RBM4B: variants seen among roughly 807,000 people sequenced by gnomAD.
RBM4B encodes RNA binding motif protein 4B.
RBM4B carries 13 observed loss-of-function variants against 28.5 expected under a neutral mutation model. The observed-to-expected ratio is 0.46, with a 90% CI of 0.30 to 0.72. The LOEUF (loss-of-function observed/expected upper bound fraction) is 0.72. RBM4B is among the 30% of genes least tolerant of loss of function. The pLI is 0.09. For missense variants in RBM4B, 387 were observed against 477.6 expected (o/e 0.81, Z 1.77); for synonymous variants, 167 against 179.1 (o/e 0.93, Z 0.54).
chr11:66,676,674 A>T lies in RBM4B; in HGVS notation c.406T>A (p.Phe136Ile), dbSNP rs1590889268. ...CAGGCCCAGAGCAGTTCACCTTGAA[A>T]CTCTGTGTTGTCAAGGCCCCTGATG... ...EAIRGLDNTE[F>I]QGKRMHVQLS... Residue 136 changes from phenylalanine (F) to isoleucine (I), a missense_variant, in exon 2 of 4, where the codon TTT becomes ATT. Coordinates refer to ENST00000310046, the MANE Select transcript of RBM4B (RefSeq NM_031492.4). 1 of 1,612,802 alleles carries T rather than the reference A, an allele frequency of 6.2e-7. No homozygotes were observed. Among genetic ancestry groups the T allele is most frequent in the Non-Finnish European group, 8.5e-7 (1 of 1,179,568 alleles).
chr11:66,669,042 T>G lies in RBM4B; in HGVS notation c.662A>C (p.Tyr221Ser). Residue 221 changes from tyrosine (Y) to serine (S), a missense_variant, in exon 3 of 4, where the codon TAT becomes TCT. Coordinates refer to ENST00000310046, the MANE Select transcript of RBM4B (RefSeq NM_031492.4). ...ATAAGAGCGGACCCGGTATCGCTTA[T>G]AGTAGTCGAGTGCTCCATATGCATC... ...YNDAYGALDY[Y>S]KRYRVRSYEA... The G allele has an allele frequency of 6.2e-7, 1 of 1,614,196 alleles. No homozygotes were observed. The highest frequency in any genetic ancestry group is 8.5e-7 in the Non-Finnish European group (1 of 1,180,032).
At chr11:66,668,534 G>A in intron 3 of RBM4B, 81 bp downstream of exon 3, 1 of 1,150,670 alleles carries the variant, frequency 8.7e-7, no homozygotes, top group African/African-American at 1.5e-5. Flanking sequence ...AGCACAGGTG[G>A]CTCTAGCCAC....
chr11:66,665,629 T>A, intron 3 of RBM4B, 51 bp from the exon 4 acceptor site: 1 of 1,535,484 alleles, frequency 6.5e-7, no homozygotes, highest in South Asian at 1.2e-5. Context: ...GAGAGCAGCC[T>A]GGCTCCGCGT....
Position 66,676,742 on chromosome 11 carries a change from T to C in RBM4B, c.338A>G (p.Tyr113Cys). ...TGCCCGCTCCATGTGTACGAAGGCATAATCTTTCACGATGTCACATTCGAT... is the reference window on the plus strand; with the variant it reads ...TGCCCGCTCCATGTGTACGAAGGCACAATCTTTCACGATGTCACATTCGAT... ...PVIECDIVKD[Y>C]AFVHMERAED... Residue 113 changes from tyrosine to cysteine, a missense_variant, in exon 2 of 4, where the codon TAT (tyrosine) becomes TGT (cysteine). Transcript: ENST00000310046. 3.1e-6 allele frequency: 5 copies of C among 1,614,166 alleles called. No individual in the cohort carries two copies. Among genetic ancestry groups the C allele is most frequent in the South Asian group, 1.1e-5 (1 of 91,082 alleles).
rs1431540016 is a variant in RBM4B at position 66,665,370 on chromosome 11, A to AT, written c.*217dup. 3.3e-6 allele frequency: 2 copies of AT among 599,756 alleles called. No individual in the cohort carries two copies. Among genetic ancestry groups the AT allele is most frequent in the Non-Finnish European group, 5.9e-6 (2 of 338,888 alleles). The allele number at this position is 599,756 out of a possible 1,614,324, so 37.2% of individuals were successfully genotyped here. On this transcript the variant is annotated 3_prime_UTR_variant, in exon 4 of 4. Coordinates refer to ENST00000310046, the MANE Select transcript of RBM4B (RefSeq NM_031492.4). ...CTAGGGCTGCTCAGAGGCTGAGAAT[A>AT]TAAGGAACAGAGTGAAAGGCTACAG...
At chr11:66,669,938 T>G (rs139164316) in intron 2 of RBM4B, among the ~76,000 whole-genome samples, 38 of 152,356 alleles carry the variant, frequency 2.5e-4, no homozygotes, top group Admixed American at 1.2e-3. Flanking sequence ...TTGTAATGAT[T>G]CAAATTCTGC....
At chr11:66,675,338 A>G (rs1464934913) in intron 2 of RBM4B, among the ~76,000 whole-genome samples, 1 of 152,242 alleles carries the variant, frequency 6.6e-6, no homozygotes, top group African/African-American at 2.4e-5. Context: ...TAGTGAGGAA[A>G]ATGAAGCAGA....
At chr11:66,665,926 C>T (rs766605093) in intron 3 of RBM4B, 45 of 1,535,404 alleles carry the variant, frequency 2.9e-5, no homozygotes, top group Non-Finnish European at 3.9e-5. Flanking sequence ...TCAAGAACTG[C>T]AATTTAATTT....
intron 2 of RBM4B, chr11:66,670,840 T>G: frequency 1.5e-6 from 1 of 684,188 alleles, no homozygotes; most frequent in Non-Finnish European, 2.6e-6. Context: ...ACGCAGTCAG[T>G]ACAGATAAAA....
intron 2 of RBM4B, among the ~76,000 whole-genome samples, chr11:66,669,603 T>C (rs1565093755): frequency 6.6e-6 from 1 of 152,160 alleles, no homozygotes. Flanking sequence ...TGCGCTGCCA[T>C]GCCTGGCTAA....
intron 2 of RBM4B, among the ~76,000 whole-genome samples, chr11:66,670,295 T>C (rs1939420418): frequency 2.2e-5 from 3 of 134,940 alleles, no homozygotes; most frequent in Non-Finnish European, 3.0e-5. Context: ...CAAGAAGAAT[T>C]AGATCTTGAA....
rs1253090296 is a variant in RBM4B at position 66,665,018 on chromosome 11, A to T, written c.*570T>A. On this transcript the variant is annotated 3_prime_UTR_variant, in exon 4 of 4. Coordinates refer to ENST00000310046, the MANE Select transcript of RBM4B (RefSeq NM_031492.4). ...AGATATTTAAGTGTTAGAAACATTT[A>T]TTTGTCAAAAAATTTTTTTAAAAAA... 6.6e-6 allele frequency: 1 copy of T among 152,472 alleles called. No homozygotes were observed. Among genetic ancestry groups the T allele is most frequent in the East Asian group, 1.9e-4 (1 of 5,210 alleles). 9.4% of individuals were successfully genotyped at this position (152,472 alleles called of 1,614,324 possible). A position where few individuals can be genotyped will look rare whatever the true frequency, so the allele number is the denominator to read the frequency against.
Position 66,669,243 on chromosome 11 carries a change from G to C in RBM4B, c.461C>G (p.Pro154Arg). 6.2e-7 allele frequency: 1 copy of C among 1,614,168 alleles called. No individual in the cohort carries two copies. ...GCAGCCACTCTGGTCTCCCATACCA[G>C]GGGCAGTCCGAAGCCGGCTTGTGGA... The part of the protein sequence containing the change: ...QLSTSRLRTA[P>R]GMGDQSGCYR... Residue 154 changes from proline (P) to arginine (R), a missense_variant, in exon 3 of 4, where the codon CCT becomes CGT. Coordinates refer to ENST00000310046, the MANE Select transcript of RBM4B (RefSeq NM_031492.4).
rs1466997015 is a variant in RBM4B, at chr11:66,668,788, G to T, written c.916C>A (p.Leu306Met). ...SSYYGRDRSP[L>M]RRAAAMLPTV... is the part of the protein sequence containing the mutation. ...GGGAGCATGGCTGCAGCACGACGCA[G>T]TGGGCTCCTGTCCCTTCCATAGTAG... The change falls in exon 3 of 4, where the codon CTG becomes ATG. Residue 306 changes from leucine to methionine, a missense_variant. By Grantham distance (15) the Leu-to-Met change is conservative. Coordinates refer to ENST00000310046, the MANE Select transcript of RBM4B (RefSeq NM_031492.4). 4 of 1,614,124 alleles carry T rather than the reference G, an allele frequency of 2.5e-6. No individual in the cohort carries two copies. Among genetic ancestry groups the T allele is most frequent in the Middle Eastern group, 1.6e-4 (1 of 6,084 alleles).
At chr11:66,670,868 T>TA in intron 2 of RBM4B, 2 of 700,414 alleles carry the variant, frequency 2.9e-6, no homozygotes, top group Non-Finnish European at 5.2e-6. Flanking sequence ...GGCTTCTCAT[T>TA]ACTCTTAAGG....
At chr11:66,669,576 A>T (rs2135238234) in intron 2 of RBM4B, among the ~76,000 whole-genome samples, 1 of 152,196 alleles carries the variant, frequency 6.6e-6, no homozygotes, top group South Asian at 2.1e-4. Flanking sequence ...CCTCCCGAGT[A>T]GCTGGGATTA....
At chr11:66,669,572 G>A (rs1348021549) in intron 2 of RBM4B, among the ~76,000 whole-genome samples, 1 of 151,934 alleles carries the variant, frequency 6.6e-6, no homozygotes, top group Non-Finnish European at 1.5e-5. Context: ...TCAGCCTCCC[G>A]AGTAGCTGGG....
At position 66,668,853 on chromosome 11, in the gene RBM4B, G is replaced by A. The variant is rs1394443055; in HGVS notation, c.851C>T (p.Thr284Ile). 6.2e-7 allele frequency: 1 copy of A among 1,614,226 alleles called. No individual in the cohort carries two copies. The highest frequency in any genetic ancestry group is 8.5e-7 in the Non-Finnish European group (1 of 1,180,032). The change falls in exon 3 of 4, where the codon ACT becomes ATT. Residue 284 changes from threonine to isoleucine, a missense_variant. Thr to Ile is a moderately conservative substitution (Grantham distance 89). Around this residue, in one of 2 missense-constraint regions of RBM4B, gnomAD observed 226 missense variants for 220.6 expected, o/e 1.02. Transcript: ENST00000310046. ...HLLPNSGAAA[T>I]SAAMAAAAAT... is the part of the protein sequence containing the mutation. ...TGCAGCAGCAGCCATAGCAGCTGAA[G>A]TGGCAGCAGCGCCAGAGTTTGGCAA...
intron 2 of RBM4B, chr11:66,675,596 C>T (rs1939609978): frequency 6.6e-6 from 1 of 152,172 alleles, no homozygotes; most frequent in Non-Finnish European, 1.5e-5. Flanking sequence ...CCCAAAAGTA[C>T]TTCTTAACAA....
Sources: allele counts gnomAD v4.1 joint callset (sites outside exome capture counted in the v4.1 genomes callset), GRCh38; gene constraint gnomAD v4.1.1; regional missense constraint gnomAD v4.1.1; transcripts MANE v1.5; gene names NCBI Gene and HGNC (gene_info 2026-07-23, HGNC 2026-07-21).